TTC14: variants seen among roughly 807,000 people sequenced by gnomAD.
The protein encoded by TTC14 is tetratricopeptide repeat domain 14.
Under a neutral mutation model 79.9 loss-of-function variants are expected in TTC14, and 63 were observed. That is an observed-to-expected ratio of 0.79 (90% CI 0.64 to 0.97). TTC14 has a LOEUF of 0.97. Ranked by LOEUF, TTC14 falls within the 50% of genes least tolerant of loss-of-function variation. The pLI is 0.00. For synonymous variants in TTC14, 335 were observed against 309.6 expected, an observed-to-expected ratio of 1.08 and a Z score of -0.86; for missense variants, 895 against 894.0, an observed-to-expected ratio of 1.00 and a Z score of -0.01.
chr3:180,616,833 G>T lies in TTC14; in HGVS notation c.1775-547G>T, dbSNP rs770049831. ...TTTAAAAGATATCGATACCTGTTTG[G>T]TCACTCTTTCTAATTTTGGCTTCTG... On this transcript the variant is annotated intron_variant, in intron 12 of 12. Transcript: ENST00000382584. 3.7e-6 allele frequency: 6 copies of T among 1,610,184 alleles called. No homozygotes were observed. In the African/African-American group the frequency reaches 6.7e-5, roughly 18 times the overall value.
chr3:180,604,836 T>C lies in TTC14; in HGVS notation c.702-16T>C, dbSNP rs1483917926. On this transcript the variant is annotated splice_polypyrimidine_tract_variant and intron_variant, in intron 5 of 11. Transcript: ENST00000296015. ...AATTAGTCATTTTACAATTTTTGTG[T>C]TTGTATTTTTTTAAGGAGAAGTGTT... 2 of 1,587,014 alleles carry C rather than the reference T, an allele frequency of 1.3e-6. No individual in the cohort carries two copies. The highest frequency in any genetic ancestry group is 1.7e-6 in the Non-Finnish European group (2 of 1,169,520).
At chr3:180,606,810 G>A (rs931423477) in intron 9 of TTC14, among the ~76,000 whole-genome samples, 1 of 152,070 alleles carries the variant, frequency 6.6e-6, no homozygotes, top group Non-Finnish European at 1.5e-5. Flanking sequence ...TATACTATTT[G>A]TGTAGTCATT....
chr3:180,609,958 TG>T lies in TTC14; in HGVS notation c.1730del (p.Cys577SerfsTer75). On this transcript the variant is annotated frameshift_variant, in exon 12 of 12. Transcript: ENST00000296015. LOFTEE classifies it high-confidence loss of function. ...GACACAGATAAAAGAGAAAGATAGA[TG>T]CCCTCTCTCTTCATCTTCACTTGAA... Reference protein sequence around the residue: ...EKTQIKEKDRCPLSSSSLEIP... With the variant: ...EKTQIKEKDRXPLSSSSLEIP... 4 of 1,614,052 alleles carry T rather than the reference TG, an allele frequency of 2.5e-6. No individual in the cohort carries two copies. The highest frequency in any genetic ancestry group is 3.4e-6 in the Non-Finnish European group (4 of 1,179,946).
intron 3 of TTC14, 51 bp downstream of exon 3, chr3:180,603,374 A>G: frequency 6.9e-7 from 1 of 1,458,678 alleles, no homozygotes; most frequent in South Asian, 1.1e-5. Flanking sequence ...AACGCATCTC[A>G]ATGCAAGAAC....
At chr3:180,615,133 C>A (rs375085058), downstream of TTC14, 29 of 1,321,674 alleles carry the variant, frequency 2.2e-5, no homozygotes, top group Non-Finnish European at 3.0e-5. Flanking sequence ...TTAGTATAGA[C>A]CCTCTCATTA....
At chr3:180,606,008 G>T in intron 7 of TTC14, 171 bp downstream of exon 7, 1 of 831,496 alleles carries the variant, frequency 1.2e-6, no homozygotes, top group South Asian at 1.8e-5. Context: ...ACACTTAACA[G>T]ATAAGTTTTA....
At chr3:180,616,076 A>G (rs1717224601), downstream of TTC14, among the ~76,000 whole-genome samples, 1 of 152,222 alleles carries the variant, frequency 6.6e-6, no homozygotes, top group African/African-American at 2.4e-5. Flanking sequence ...TGACACCAGC[A>G]GAAGTCAGAA....
chr3:180,616,735 T>C (rs767373627), intron 12 of TTC14: 3 of 1,571,636 alleles, frequency 1.9e-6, no homozygotes, highest in Non-Finnish European at 2.6e-6. Context: ...TAAACGTGTT[T>C]ACCAGAATTT....
intron 11 of TTC14, 157 bp downstream of exon 11, chr3:180,608,967 T>G (rs1716843739): frequency 1.0e-5 from 12 of 1,185,092 alleles, no homozygotes; most frequent in African/African-American, 1.6e-5. Context: ...CCATGTATTT[T>G]CTTATTAAAG....
At chr3:180,618,239 A>G (rs1717322650), downstream of TTC14, among the ~76,000 whole-genome samples, 1 of 152,184 alleles carries the variant, frequency 6.6e-6, no homozygotes, top group Non-Finnish European at 1.5e-5. Flanking sequence ...GCATGACTGT[A>G]TAATGGTTTT....
chr3:180,616,812 A>G (rs1717261879), intron 12 of TTC14: 1 of 1,606,516 alleles, frequency 6.2e-7, no homozygotes, highest in Non-Finnish European at 8.5e-7. Flanking sequence ...TCAGTTTTTA[A>G]AAGATATCGA....
At chr3:180,616,906 A>C in intron 12 of TTC14, 2 of 1,563,692 alleles carry the variant, frequency 1.3e-6, no homozygotes, top group East Asian at 4.5e-5. Flanking sequence ...TGCTTCTCTG[A>C]TAACTTTTCT....
chr3:180,610,714 C>A lies in TTC14; in HGVS notation c.*172C>A. 1 of 1,344,002 alleles carries A rather than the reference C, an allele frequency of 7.4e-7. No individual in the cohort carries two copies. 83.3% of individuals were successfully genotyped at this position (1,344,002 alleles called of 1,614,324 possible). On this transcript the variant is annotated 3_prime_UTR_variant, in exon 12 of 12. Coordinates refer to ENST00000296015, the MANE Select transcript of TTC14 (RefSeq NM_133462.4). ...CTCAAATTTTGTTTCAGTTCTAGGTCCCTTGTCACAGCTTGGTTTTTAGAC... is the reference window on the plus strand; with the variant it reads ...CTCAAATTTTGTTTCAGTTCTAGGTACCTTGTCACAGCTTGGTTTTTAGAC...
chr3:180,608,151 C>G (rs1716794601), intron 10 of TTC14: 1 of 1,007,984 alleles, frequency 9.9e-7, no homozygotes, highest in South Asian at 4.2e-5. Context: ...GCATTTTCTT[C>G]TGAATTGGAC....
At chr3:180,614,794 T>TATCA (rs1396372057), downstream of TTC14, 1 of 740,086 alleles carries the variant, frequency 1.4e-6, no homozygotes, top group Non-Finnish European at 2.1e-6. Flanking sequence ...TTTTTAAAAC[T>TATCA]ATCAGTTTTT....
At position 180,604,281 on chromosome 3, in the gene TTC14, A is replaced by G. The variant is rs1353966041; in HGVS notation, c.543A>G (p.Ser181=). Residue 181 remains serine (S), a synonymous_variant, in exon 4 of 12, where the codon TCA becomes TCG. Coordinates refer to ENST00000296015, the MANE Select transcript of TTC14 (RefSeq NM_133462.4). ...PSHSNHGDPL[S]YYQTGDIIRA... Reference sequence around the variant, plus strand: ...ACAGTAACCATGGGGATCCTTTATCATATTACCAAACTGGTGACATCATTC... The same window carrying G: ...ACAGTAACCATGGGGATCCTTTATCGTATTACCAAACTGGTGACATCATTC... 2 of 1,613,466 alleles carry G rather than the reference A, an allele frequency of 1.2e-6. No individual in the cohort carries two copies. Among genetic ancestry groups the G allele is most frequent in the Non-Finnish European group, 1.7e-6 (2 of 1,179,750 alleles).
chr3:180,604,460 CTTTT>C lies in TTC14; in HGVS notation c.572-10_572-7del. The C allele has an allele frequency of 7.6e-7, 1 of 1,309,432 alleles. No individual in the cohort carries two copies. The highest frequency in any genetic ancestry group is 1.0e-6 in the Non-Finnish European group (1 of 962,416). The allele number at this position is 1,309,432 out of a possible 1,614,324, so 81.1% of individuals were successfully genotyped here. A position where few individuals can be genotyped will look rare whatever the true frequency, so the allele number is the denominator to read the frequency against. ...TTTTCTTACTAATCAGCTTAGTTCT[CTTTT>C]TTTTTTTCTTAAGCTGGAATCAAGG... On this transcript the variant is annotated splice_polypyrimidine_tract_variant and intron_variant, in intron 4 of 11. Coordinates refer to ENST00000296015, the MANE Select transcript of TTC14 (RefSeq NM_133462.4).
chr3:180,605,934 G>T, intron 7 of TTC14, 97 bp downstream of exon 7: 1 of 1,236,860 alleles, frequency 8.1e-7, no homozygotes, highest in Non-Finnish European at 1.1e-6. Flanking sequence ...AATTTGAGAT[G>T]CATTAAAGTG....
In TTC14 at chr3:180,603,249, G is replaced by C. The variant is rs1413312256; in HGVS notation, c.412G>C (p.Glu138Gln). 1 of 1,614,108 alleles carries C rather than the reference G, an allele frequency of 6.2e-7. No homozygotes were observed. The highest frequency in any genetic ancestry group is 8.5e-7 in the Non-Finnish European group (1 of 1,180,012). Residue 138 changes from glutamate (E) to glutamine (Q), a missense_variant, in exon 3 of 12, where the codon GAA becomes CAA. Transcript: ENST00000296015. ...IVIGRISSIR[E>Q]FGFFMVLICL... is the part of the protein sequence containing the mutation. ...GATTGGAAGAATTAGTTCTATTCGG[G>C]AATTCGGTTTTTTCATGGTGTTGAT...
Sources: gnomAD v4.1 joint callset for allele counts (sites outside exome capture counted in the v4.1 genomes callset) on GRCh38, gnomAD v4.1.1 for gene constraint, MANE v1.5 for transcripts, NCBI Gene and HGNC (gene_info 2026-07-23, HGNC 2026-07-21) for gene names.